The following CPOX variants were observed in gnomAD, a reference collection of about 807,000 sequenced individuals.
The protein encoded by CPOX is coproporphyrinogen oxidase.
CPOX carries 24 observed loss-of-function variants against 48.9 expected under a neutral mutation model. The ratio of observed to expected loss-of-function variants is 0.49; its 90% CI spans 0.36 to 0.69. The LOEUF (loss-of-function observed/expected upper bound fraction) is 0.69. Ranked by LOEUF, CPOX falls within the 30% of genes least tolerant of loss-of-function variation. CPOX has a pLI of 0.00. For synonymous variants in CPOX, 249 were observed against 234.6 expected, an observed-to-expected ratio of 1.06 and a Z score of -0.56; for missense variants, 549 against 597.3, an observed-to-expected ratio of 0.92 and a Z score of 0.84.
Position 98,585,588 on chromosome 3 carries a change from A to G in CPOX, c.1025T>C (p.Leu342Pro). 1 of 1,614,120 alleles carries G rather than the reference A, an allele frequency of 6.2e-7. No individual in the cohort carries two copies. The highest frequency in any genetic ancestry group is 1.3e-5 in the African/African-American group (1 of 75,014). ...CACCTCCTCCTTGGACGGAGAGTCA[A>G]GATCATCAAAAAAGATACCACCAAT... ...RGIGGIFFDD[L>P]DSPSKEEVFR... The change falls in exon 5 of 7, where the codon CTT becomes CCT. Residue 342 changes from leucine (L) to proline (P), a missense_variant. Coordinates refer to ENST00000647941, the MANE Select transcript of CPOX (RefSeq NM_000097.7).
chr3:98,578,853 G>A (rs1707199115), downstream of CPOX, among the ~76,000 whole-genome samples: 1 of 152,286 alleles, frequency 6.6e-6, no homozygotes. Flanking sequence ...CATTTGGGTT[G>A]TTTCTAATTT....
At chr3:98,590,165 T>G (rs1559678522) in intron 3 of CPOX, among the ~76,000 whole-genome samples, 1 of 152,272 alleles carries the variant, frequency 6.6e-6, no homozygotes, top group Non-Finnish European at 1.5e-5. Context: ...TTTGTTTTTT[T>G]GAGACGGAGT....
rs1235464718 is a variant in CPOX, at chr3:98,581,446, C to A, written c.1238G>T (p.Arg413Ile). Reference sequence around the variant, plus strand: ...TAAAGACATCAAGATACTTTCAATTCTGGATCCTGGAGTGAAGAGGCCAAA... The same window carrying A: ...TAAAGACATCAAGATACTTTCAATTATGGATCCTGGAGTGAAGAGGCCAAA... ...TKFGLFTPGS[R>I]IESILMSLPL... The change falls in exon 6 of 7, where the codon AGA (arginine) becomes ATA (isoleucine). Residue 413 changes from arginine (R) to isoleucine (I), a missense_variant. Physicochemically the swap from Arg to Ile is moderately conservative, Grantham distance 97. Around this residue, in one of 2 missense-constraint regions of CPOX, gnomAD observed 213 missense variants for 279.1 expected, o/e 0.76. Transcript: ENST00000647941. The A allele has an allele frequency of 6.2e-7, 1 of 1,614,088 alleles. No homozygotes were observed. The highest frequency in any genetic ancestry group is 1.7e-5 in the Admixed American group (1 of 60,024).
chr3:98,580,630 G>A lies in CPOX; in HGVS notation c.*53C>T, dbSNP rs1707240019. 1.9e-6 allele frequency: 3 copies of A among 1,610,860 alleles called. 1 individual carries two copies. Among genetic ancestry groups the A allele is most frequent in the South Asian group, 2.2e-5 (2 of 90,666 alleles). On this transcript the variant is annotated 3_prime_UTR_variant, in exon 7 of 7. Transcript: ENST00000647941. ...GTGGCAAAGTGCCGACCAGTGGCAT[G>A]GGGAGCACACATCGTGTGCCCTCCA...
At chr3:98,578,474 A>G (rs981924180), downstream of CPOX, among the ~76,000 whole-genome samples, 18 of 152,344 alleles carry the variant, frequency 1.2e-4, no homozygotes, top group African/African-American at 4.3e-4. Flanking sequence ...TATTATTCAC[A>G]TATACAATAA....
At position 98,593,224 on chromosome 3, in the gene CPOX, C is replaced by T. The variant is rs768794946; in HGVS notation, c.281G>A (p.Gly94Glu). 1.3e-6 allele frequency: 2 copies of T among 1,564,788 alleles called. No homozygotes were observed. Among genetic ancestry groups the T allele is most frequent in the Admixed American group, 3.5e-5 (2 of 56,842 alleles). Residue 94 changes from glycine to glutamate, a missense_variant, in exon 1 of 7, where the codon GGG becomes GAG. Around this residue, in one of 2 missense-constraint regions of CPOX, gnomAD observed 336 missense variants for 318.1 expected, o/e 1.06. Transcript: ENST00000647941. ...CAACATCTCCGCCCGCTGCACATGCCCGAAGGCGGCGGTGGCCAGCCCCAC... is the reference window on the plus strand; with the variant it reads ...CAACATCTCCGCCCGCTGCACATGCTCGAAGGCGGCGGTGGCCAGCCCCAC... ...GLVGLATAAF[G>E]HVQRAEMLPK...
chr3:98,593,148 C>T lies in CPOX; in HGVS notation c.357G>A (p.Glu119=), dbSNP rs554430178. The change falls in exon 1 of 7, where the codon GAG becomes GAA. Residue 119 remains glutamate (E), a synonymous_variant. Coordinates refer to ENST00000647941, the MANE Select transcript of CPOX (RefSeq NM_000097.7). ...TGCAGCGGTGGGCCAGCTCATCCTC[C>T]TCCTCCTCCGGCCTCCCCAGCGAAG... ...RATSLGRPEE[E]EDELAHRCSS... is the part of the protein sequence containing the mutation. 10 of 1,612,794 alleles carry T rather than the reference C, an allele frequency of 6.2e-6. No individual in the cohort carries two copies. In the South Asian group the frequency reaches 9.9e-5, roughly 16 times the overall value.
At chr3:98,574,465 G>C (rs1331809748), downstream of CPOX, among the ~76,000 whole-genome samples, 1 of 152,144 alleles carries the variant, frequency 6.6e-6, no homozygotes, top group Non-Finnish European at 1.5e-5. Flanking sequence ...CCTTATTTTT[G>C]CTTCTTAGGA....
intron 1 of CPOX, among the ~76,000 whole-genome samples, 165 bp from the exon 2 acceptor site, chr3:98,591,320 T>G (rs568211802): frequency 7.5e-4 from 114 of 152,370 alleles, no homozygotes; most frequent in African/African-American, 2.6e-3. Context: ...CTTTATGACA[T>G]ATGCTATTAA....
At position 98,580,635 on chromosome 3, in the gene CPOX, G is replaced by A. The variant is rs776256848; in HGVS notation, c.*48C>T. 3.7e-6 allele frequency: 6 copies of A among 1,610,956 alleles called. No individual in the cohort carries two copies. Among genetic ancestry groups the A allele is most frequent in the Non-Finnish European group, 5.1e-6 (6 of 1,178,858 alleles). ...AAAGTGCCGACCAGTGGCATGGGGAGCACACATCGTGTGCCCTCCAAACCC... is the reference window on the plus strand; with the variant it reads ...AAAGTGCCGACCAGTGGCATGGGGAACACACATCGTGTGCCCTCCAAACCC... On this transcript the variant is annotated 3_prime_UTR_variant, in exon 7 of 7. Coordinates refer to ENST00000647941, the MANE Select transcript of CPOX (RefSeq NM_000097.7).
At chr3:98,591,281 T>C in intron 1 of CPOX, 126 bp from the exon 2 acceptor site, 2 of 1,001,568 alleles carry the variant, frequency 2.0e-6, no homozygotes, top group South Asian at 2.8e-5. Flanking sequence ...TATCATTTTA[T>C]GTACAATACA....
Position 98,579,534 on chromosome 3 carries a change from A to G in CPOX, c.*1149T>C, listed in dbSNP as rs916170620. ...CATTTTCCAGCCCCAAAAAGGCCACACAGAATCACAAACATTCAACGTGTT... is the reference window on the plus strand; with the variant it reads ...CATTTTCCAGCCCCAAAAAGGCCACGCAGAATCACAAACATTCAACGTGTT... On this transcript the variant is annotated 3_prime_UTR_variant, in exon 7 of 7. Transcript: ENST00000647941. 21 of 985,280 alleles carry G rather than the reference A, an allele frequency of 2.1e-5. 1 individual carries two copies. The Admixed American group carries it at 1.3e-3, about 61-fold the overall frequency. 61.0% of individuals were successfully genotyped at this position (985,280 alleles called of 1,614,324 possible). A position where few individuals can be genotyped will look rare whatever the true frequency, so the allele number is the denominator to read the frequency against.
intron 4 of CPOX, among the ~76,000 whole-genome samples, chr3:98,587,024 C>T (rs1335343555): frequency 1.3e-5 from 2 of 152,110 alleles, no homozygotes; most frequent in African/African-American, 4.8e-5. Flanking sequence ...AGTTTATATC[C>T]TAAAAGTAGT....
At chr3:98,587,155 A>G (rs1345037631) in intron 4 of CPOX, among the ~76,000 whole-genome samples, 2 of 152,164 alleles carry the variant, frequency 1.3e-5, no homozygotes, top group African/African-American at 4.8e-5. Flanking sequence ...AACAACAAAA[A>G]ACAACAGATG....
chr3:98,575,558 C>T (rs888532167), downstream of CPOX, among the ~76,000 whole-genome samples: 4 of 151,392 alleles, frequency 2.6e-5, no homozygotes, highest in South Asian at 2.1e-4. Context: ...TTTGGGAGGC[C>T]GAGGCAGGTG....
chr3:98,589,532 C>CACACACACACAT (rs1259148269), intron 3 of CPOX: 3 of 153,190 alleles, frequency 2.0e-5, no homozygotes, highest in African/African-American at 7.3e-5. Context: ...CACACACACA[C>CACACACACACAT]ACATCTCTGG....
In CPOX at chr3:98,585,575, G is replaced by C. The variant is rs368775479; in HGVS notation, c.1038C>G (p.Ser346=). Residue 346 remains serine, a synonymous_variant, in exon 5 of 7, where the codon TCC becomes TCG. Coordinates refer to ENST00000647941, the MANE Select transcript of CPOX (RefSeq NM_000097.7). ...GTACAAAGCGAAACACCTCCTCCTT[G>C]GACGGAGAGTCAAGATCATCAAAAA... ...GIFFDDLDSP[S]KEEVFRFVQS... 1.9e-6 allele frequency: 3 copies of C among 1,613,924 alleles called. No homozygotes were observed. The African/African-American group carries it at 4.0e-5, about 22-fold the overall frequency.
the CPOX span, among the ~76,000 whole-genome samples, chr3:98,573,763 G>A: frequency 1.3e-5 from 2 of 152,270 alleles, no homozygotes; most frequent in Admixed American, 1.3e-4. Flanking sequence ...ATTTTTAAGT[G>A]TTAACTTAAA....
At position 98,592,960 on chromosome 3, in the gene CPOX, T is replaced by G. The variant is rs1576306448; in HGVS notation, c.545A>C (p.Glu182Ala). Residue 182 changes from glutamate (E) to alanine (A), a missense_variant, in exon 1 of 7, where the codon GAG becomes GCG. Glu to Ala is a moderately radical substitution (Grantham distance 107). Coordinates refer to ENST00000647941, the MANE Select transcript of CPOX (RefSeq NM_000097.7). ...GGANFSVDRW[E>A]RKEGGGGISC... is the part of the protein sequence containing the mutation. ...GCCGGCCTCCTTACCTTCCTTCCTC[T>G]CCCACCGGTCCACAGAAAAGTTGGC... 1 of 1,612,816 alleles carries G rather than the reference T, an allele frequency of 6.2e-7. No individual in the cohort carries two copies. Among genetic ancestry groups the G allele is most frequent in the Non-Finnish European group, 8.5e-7 (1 of 1,179,584 alleles).
Sources: gnomAD v4.1 joint callset for allele counts (sites outside exome capture counted in the v4.1 genomes callset) on GRCh38, gnomAD v4.1.1 for gene constraint, gnomAD v4.1.1 regional missense constraint, MANE v1.5 for transcripts, NCBI Gene and HGNC (gene_info 2026-07-23, HGNC 2026-07-21) for gene names.